The following DRC8 variants were observed in gnomAD, a reference collection of about 807,000 sequenced individuals.
The protein encoded by DRC8 is dynein regulatory complex protein 8.
At chr1:245,085,478 G>C in the DRC8 span, among the ~76,000 whole-genome samples, 179 of 152,152 alleles carry the variant, frequency 1.2e-3, 1 homozygote, top group African/African-American at 4.1e-3. Context: ...AAAACAGTCT[G>C]AACAAAAATG....
At chr1:244,989,311 G>T in the DRC8 span, among the ~76,000 whole-genome samples, 1 of 152,064 alleles carries the variant, frequency 6.6e-6, no homozygotes, top group Non-Finnish European at 1.5e-5. Flanking sequence ...TTTCTGCTCC[G>T]GAGTCCCATC....
At chr1:245,031,704 A>C in the DRC8 span, among the ~76,000 whole-genome samples, 1 of 152,106 alleles carries the variant, frequency 6.6e-6, no homozygotes. Context: ...ATTTTGCTCC[A>C]CAGGGACCCA....
chr1:245,086,032 G>T, the DRC8 span, among the ~76,000 whole-genome samples: 3 of 152,252 alleles, frequency 2.0e-5, no homozygotes, highest in African/African-American at 7.2e-5. Flanking sequence ...TACAGAGACA[G>T]TGCGACCACG....
the DRC8 span, among the ~76,000 whole-genome samples, chr1:245,085,653 G>A: frequency 8.5e-5 from 13 of 152,352 alleles, no homozygotes; most frequent in African/African-American, 2.6e-4. Flanking sequence ...CGATGGAGAA[G>A]TATTACAGGC....
the DRC8 span, among the ~76,000 whole-genome samples, chr1:245,042,390 C>T: frequency 0.035 from 5,271 of 152,284 alleles, 323 homozygotes; most frequent in African/African-American, 0.12. Context: ...AGTGGAGACA[C>T]GATCTCTTGA....
chr1:245,071,244 C>T, the DRC8 span, among the ~76,000 whole-genome samples: 1 of 152,158 alleles, frequency 6.6e-6, no homozygotes, highest in South Asian at 2.1e-4. Context: ...GAGGTGTATG[C>T]TAGAAAAGCC....
chr1:245,084,068 C>A, the DRC8 span, among the ~76,000 whole-genome samples: 31 of 114,412 alleles, frequency 2.7e-4, 2 homozygotes, highest in African/African-American at 8.5e-4. Flanking sequence ...TTCCGCCCCC[C>A]CCCCGGCGCC....
the DRC8 span, among the ~76,000 whole-genome samples, chr1:244,999,979 C>G: frequency 6.6e-6 from 1 of 152,080 alleles, no homozygotes; most frequent in African/African-American, 2.4e-5. Flanking sequence ...CCACCACACT[C>G]AGCTAATTTT....
At chr1:245,063,753 A>T in the DRC8 span, among the ~76,000 whole-genome samples, 13 of 152,126 alleles carry the variant, frequency 8.5e-5, no homozygotes, top group East Asian at 2.5e-3. Context: ...ATGGAGTCTG[A>T]CTCTGTCGCC....
chr1:245,054,207 C>T, the DRC8 span, among the ~76,000 whole-genome samples: 4 of 152,022 alleles, frequency 2.6e-5, no homozygotes, highest in East Asian at 1.9e-4. Context: ...ATGTTGCCCA[C>T]GCTGGAGTGC....
At chr1:245,018,522 C>G in the DRC8 span, among the ~76,000 whole-genome samples, 1 of 152,064 alleles carries the variant, frequency 6.6e-6, no homozygotes, top group Non-Finnish European at 1.5e-5. Context: ...AATGAGTGGG[C>G]AGGGTGCTGG....
the DRC8 span, among the ~76,000 whole-genome samples, chr1:244,974,830 G>T: frequency 6.6e-6 from 1 of 152,020 alleles, no homozygotes; most frequent in African/African-American, 2.4e-5. Context: ...CAAGTAGCTG[G>T]GACTACAGGC....
At chr1:244,979,447 A>G in the DRC8 span, among the ~76,000 whole-genome samples, 25 of 151,806 alleles carry the variant, frequency 1.6e-4, no homozygotes, top group Admixed American at 7.2e-4. Flanking sequence ...CTGGGATTAC[A>G]GACATGTGCC....
At chr1:245,065,584 A>G in the DRC8 span, among the ~76,000 whole-genome samples, 72,349 of 151,844 alleles carry the variant, frequency 0.48, 18,316 homozygotes, top group East Asian at 0.7. Context: ...TTCTCTTTGC[A>G]TAATCTGTTT....
chr1:245,080,730 T>C, the DRC8 span, among the ~76,000 whole-genome samples: 1 of 152,208 alleles, frequency 6.6e-6, no homozygotes, highest in South Asian at 2.1e-4. Flanking sequence ...TCATATCTGC[T>C]TAGACTACTG....
At chr1:245,009,939 C>G in the DRC8 span, among the ~76,000 whole-genome samples, 2 of 152,176 alleles carry the variant, frequency 1.3e-5, no homozygotes, top group Non-Finnish European at 2.9e-5. Context: ...AGGCTCGCTG[C>G]AACCTCTGCC....
the DRC8 span, among the ~76,000 whole-genome samples, chr1:245,043,666 T>A: frequency 6.6e-6 from 1 of 152,158 alleles, no homozygotes; most frequent in Admixed American, 6.5e-5. Flanking sequence ...CATGGTAGAA[T>A]ACTGAGTGAG....
chr1:245,121,238 C>A, the DRC8 span, among the ~76,000 whole-genome samples: 2 of 152,146 alleles, frequency 1.3e-5, no homozygotes, highest in Non-Finnish European at 1.5e-5. Context: ...TTGTATTTTA[C>A]AAAATTATCA....
chr1:245,080,295 G>T, the DRC8 span, among the ~76,000 whole-genome samples: 1 of 152,124 alleles, frequency 6.6e-6, no homozygotes, highest in Non-Finnish European at 1.5e-5. Flanking sequence ...ATGGTGTTTT[G>T]TTCAGCCACT....
Sources: allele counts gnomAD v4.1 joint callset (sites outside exome capture counted in the v4.1 genomes callset), GRCh38; gene constraint gnomAD v4.1.1; transcripts MANE v1.5; gene names NCBI Gene and HGNC (gene_info 2026-07-23, HGNC 2026-07-21).